Variants in EPS15 observed in about 807,000 individuals in gnomAD.
The protein encoded by EPS15 is epidermal growth factor receptor substrate 15.
In EPS15, 72 loss-of-function variants were observed where a neutral mutation model predicts 113.8. The observed-to-expected ratio is 0.63, with a 90% CI of 0.52 to 0.77. The LOEUF (loss-of-function observed/expected upper bound fraction) is 0.77, where lower values mean the gene tolerates loss of function less well. Ranked by LOEUF, EPS15 falls within the 30% of genes least tolerant of loss-of-function variation. The pLI is 0.00. For synonymous variants in EPS15, 344 were observed against 363.4 expected (o/e 0.95, Z 0.61); for missense variants, 1,048 against 1,045.8 (o/e 1.00, Z -0.03).
At chr1:51,471,519 G>A (rs1335399597) in intron 4 of EPS15, among the ~76,000 whole-genome samples, 171 bp downstream of exon 4, 1 of 152,126 alleles carries the variant, frequency 6.6e-6, no homozygotes, top group East Asian at 1.9e-4. Flanking sequence ...TAACTGTTAA[G>A]ACTTATATTA....
Position 51,467,695 on chromosome 1 carries a change from C to T in EPS15, c.309+778G>A, listed in dbSNP as rs566544198. Among the ~76,000 whole-genome samples, 3 of 152,262 alleles carry T rather than the reference C, an allele frequency of 2.0e-5. No individual in the cohort carries two copies. The East Asian group carries it at 5.8e-4, about 29-fold the overall frequency. ...GCAAGCATTATGGCCTGAGCTCCAA[C>T]TTTTGCCAGATCAGCGGTGGCATTA... On this transcript the variant is annotated intron_variant, in intron 5 of 24. Coordinates refer to ENST00000371733, the MANE Select transcript of EPS15 (RefSeq NM_001981.3).
intron 1 of EPS15, among the ~76,000 whole-genome samples, chr1:51,512,939 T>C (rs1292674819): frequency 6.7e-6 from 1 of 149,286 alleles, no homozygotes; most frequent in South Asian, 2.1e-4. Flanking sequence ...AACCTGCTAA[T>C]CATAGCTCAC....
chr1:51,446,091 A>G (rs1055483595), intron 10 of EPS15, among the ~76,000 whole-genome samples: 1 of 152,154 alleles, frequency 6.6e-6, no homozygotes, highest in African/African-American at 2.4e-5. Context: ...TCTCTTTACA[A>G]CCATGTGGCC....
chr1:51,479,303 T>A (rs1233074417), intron 2 of EPS15, among the ~76,000 whole-genome samples: 1 of 152,236 alleles, frequency 6.6e-6, no homozygotes, highest in Non-Finnish European at 1.5e-5. Flanking sequence ...TTCAGCTCCA[T>A]CAGGTCATGT....
chr1:51,503,891 T>C (rs1375042439), intron 1 of EPS15, among the ~76,000 whole-genome samples: 2 of 152,086 alleles, frequency 1.3e-5, no homozygotes, highest in African/African-American at 4.8e-5. Context: ...AAGCAAAAGA[T>C]ATCCACTAGC....
In EPS15 at chr1:51,402,518, G is replaced by T; in HGVS notation, c.1799C>A (p.Pro600Gln). 1 of 1,492,800 alleles carries T rather than the reference G, an allele frequency of 6.7e-7. No individual in the cohort carries two copies. Among genetic ancestry groups the T allele is most frequent in the Non-Finnish European group, 9.1e-7 (1 of 1,095,956 alleles). 92.5% of individuals were successfully genotyped at this position (1,492,800 alleles called of 1,614,324 possible). ...CAGCGAACTTGAGTCTACATTAAAT[G>T]GATCTTCCTAAAAATAATTTTAAAT... ...DNNRHSKEED[P>Q]FNVDSSSLTG... is the part of the protein sequence containing the mutation. The change falls in exon 18 of 25, where the codon CCA (proline) becomes CAA (glutamine). Residue 600 changes from proline (P) to glutamine (Q), a missense_variant. Transcript: ENST00000371733.
At chr1:51,509,908 A>G (rs1241812143) in intron 1 of EPS15, among the ~76,000 whole-genome samples, 1 of 152,218 alleles carries the variant, frequency 6.6e-6, no homozygotes, top group Non-Finnish European at 1.5e-5. Context: ...TGCCCTTAAA[A>G]ATGCAGACTC....
At chr1:51,381,860 A>G (rs190817296) in intron 21 of EPS15, among the ~76,000 whole-genome samples, 4 of 152,178 alleles carry the variant, frequency 2.6e-5, no homozygotes, top group Non-Finnish European at 5.9e-5. Flanking sequence ...AAAAAAGAAG[A>G]GCTCAAATCA....
chr1:51,518,990 G>A (rs2148577875), intron 1 of EPS15, among the ~76,000 whole-genome samples: 1 of 151,300 alleles, frequency 6.6e-6, no homozygotes, highest in East Asian at 1.9e-4. Flanking sequence ...GACGACCCTG[G>A]GCGAGGTCGC....
intron 1 of EPS15, among the ~76,000 whole-genome samples, chr1:51,516,006 T>G (rs1183389514): frequency 6.6e-6 from 1 of 150,386 alleles, no homozygotes; most frequent in African/African-American, 2.4e-5. Flanking sequence ...ATTGGAAACT[T>G]TTTTTTTTTA....
chr1:51,423,344 C>G (rs1214736732), intron 12 of EPS15: 2 of 1,146,196 alleles, frequency 1.7e-6, no homozygotes, highest in Non-Finnish European at 2.2e-6. Context: ...CCACCTCCAA[C>G]CCTTATATAA....
chr1:51,489,143 A>G (rs1023172961), intron 1 of EPS15, among the ~76,000 whole-genome samples: 1 of 151,420 alleles, frequency 6.6e-6, no homozygotes. Context: ...ACTAATGTAA[A>G]AAAAAAAAAC....
intron 6 of EPS15, 32 bp downstream of exon 6, chr1:51,465,229 G>A (rs1654760072): frequency 1.5e-6 from 2 of 1,374,990 alleles, no homozygotes; most frequent in African/African-American, 1.4e-5. Flanking sequence ...AAGCAATGAA[G>A]GGGTGAGAGA....
intron 12 of EPS15, among the ~76,000 whole-genome samples, chr1:51,429,713 C>T (rs1306785511): frequency 6.7e-6 from 1 of 150,214 alleles, no homozygotes; most frequent in Non-Finnish European, 1.5e-5. Flanking sequence ...TGCAGTGGCG[C>T]GATCTTGGCT....
chr1:51,428,884 T>C (rs552175284), intron 12 of EPS15, among the ~76,000 whole-genome samples: 10 of 148,792 alleles, frequency 6.7e-5, no homozygotes, highest in Admixed American at 5.4e-4. Context: ...TGGAGCTGTA[T>C]AGGACCAGAA....
chr1:51,395,731 G>T (rs1647872227), intron 20 of EPS15, among the ~76,000 whole-genome samples: 1 of 152,212 alleles, frequency 6.6e-6, no homozygotes, highest in African/African-American at 2.4e-5. Flanking sequence ...TATCTAGGAA[G>T]ATAACTGAGT....
intron 21 of EPS15, among the ~76,000 whole-genome samples, chr1:51,368,782 T>C (rs1236343899): frequency 2.0e-5 from 3 of 152,082 alleles, no homozygotes; most frequent in African/African-American, 7.2e-5. Context: ...TTTGTATTTT[T>C]AGTAGAGACG....
rs574880536 is a variant in EPS15, at chr1:51,433,621, T to C, written c.1040+6726A>G. Among the ~76,000 whole-genome samples, 20 of 152,342 alleles carry C rather than the reference T, an allele frequency of 1.3e-4. No homozygotes were observed. The South Asian group carries it at 4.1e-3, about 32-fold the overall frequency. On this transcript the variant is annotated intron_variant, in intron 12 of 24. Coordinates refer to ENST00000371733, the MANE Select transcript of EPS15 (RefSeq NM_001981.3). ...AAAACTTCGTGGAAATGAAGACTAG[T>C]TCATTTCTTCATCTGAAAAACTGAA...
At chr1:51,490,126 C>T (rs1269167772) in intron 1 of EPS15, among the ~76,000 whole-genome samples, 1 of 152,094 alleles carries the variant, frequency 6.6e-6, no homozygotes, top group Non-Finnish European at 1.5e-5. Context: ...CAAGAATTGT[C>T]TCATATGGAA....
Sources: allele counts gnomAD v4.1 joint callset (sites outside exome capture counted in the v4.1 genomes callset), GRCh38; gene constraint gnomAD v4.1.1; transcripts MANE v1.5; gene names NCBI Gene and HGNC (gene_info 2026-07-23, HGNC 2026-07-21).